The following BLTP1 variants were observed in gnomAD, a reference collection of about 807,000 sequenced individuals.
BLTP1 encodes the protein fragile site-associated protein.
the BLTP1 span, among the ~76,000 whole-genome samples, chr4:122,217,997 A>T: frequency 6.6e-6 from 1 of 151,852 alleles, no homozygotes; most frequent in African/African-American, 2.4e-5. Flanking sequence ...CAGTTTGTTC[A>T]CCTAAAGGTG....
the BLTP1 span, among the ~76,000 whole-genome samples, chr4:122,193,991 T>A: frequency 1.3e-5 from 2 of 151,512 alleles, no homozygotes; most frequent in Non-Finnish European, 3.0e-5. Flanking sequence ...GCCTCCCAAG[T>A]AGCTGGGACT....
the BLTP1 span, chr4:122,219,354 G>A: frequency 1.2e-6 from 2 of 1,612,982 alleles, no homozygotes; most frequent in African/African-American, 2.7e-5. Flanking sequence ...ACTACTTTGG[G>A]GAAGATGACA....
the BLTP1 span, among the ~76,000 whole-genome samples, chr4:122,327,676 C>G: frequency 6.7e-6 from 1 of 150,370 alleles, no homozygotes. Flanking sequence ...AAAGCATCTA[C>G]TAGCATTTAA....
chr4:122,247,144 T>C, the BLTP1 span: 1 of 1,599,388 alleles, frequency 6.3e-7, no homozygotes, highest in Non-Finnish European at 8.6e-7. Context: ...TTTACTCTCT[T>C]TTTTTTCATA....
the BLTP1 span, chr4:122,244,752 C>T: frequency 0.032 from 15,422 of 478,034 alleles, 326 homozygotes; most frequent in East Asian, 0.14. Flanking sequence ...ATGAAGAACA[C>T]AGGAAATCTT....
At chr4:122,253,038 C>T in the BLTP1 span, among the ~76,000 whole-genome samples, 2 of 152,292 alleles carry the variant, frequency 1.3e-5, no homozygotes, top group South Asian at 4.1e-4. Context: ...GGATCTTATC[C>T]AAGACCACCA....
the BLTP1 span, chr4:122,226,635 A>C: frequency 6.3e-7 from 1 of 1,585,888 alleles, no homozygotes; most frequent in Non-Finnish European, 8.5e-7. Context: ...AACATTCTTC[A>C]GAAGCTTTTG....
chr4:122,169,988 T>G, the BLTP1 span: 1 of 985,280 alleles, frequency 1.0e-6, no homozygotes, highest in South Asian at 4.7e-5. Flanking sequence ...GGCTAGTATT[T>G]CTGATTGTTG....
the BLTP1 span, chr4:122,353,283 A>G: frequency 2.1e-6 from 3 of 1,422,758 alleles, no homozygotes; most frequent in African/African-American, 1.4e-5. The surrounding 1 kb of genome is among the most constrained non-coding windows in gnomAD (Gnocchi z 4.3). Flanking sequence ...TTCACTACCA[A>G]TAAGTCAATA....
the BLTP1 span, chr4:122,176,031 G>A: frequency 1.7e-6 from 1 of 596,914 alleles, no homozygotes; most frequent in Non-Finnish European, 3.0e-6. Flanking sequence ...GCCAGTCACG[G>A]TGGCTTATGT....
At chr4:122,246,076 A>G in the BLTP1 span, 4 of 1,434,398 alleles carry the variant, frequency 2.8e-6, no homozygotes, top group African/African-American at 1.5e-5. Flanking sequence ...GGCAGCGTGA[A>G]TAAGTGAGTT....
At chr4:122,201,347 A>G in the BLTP1 span, among the ~76,000 whole-genome samples, 1 of 152,192 alleles carries the variant, frequency 6.6e-6, no homozygotes. Flanking sequence ...TTGAGCTTAG[A>G]AGGAAATGAA....
At chr4:122,337,028 A>G in the BLTP1 span, 1 of 1,586,598 alleles carries the variant, frequency 6.3e-7, no homozygotes, top group East Asian at 2.2e-5. Context: ...CAGGTGACAT[A>G]CTTCATTTCT....
chr4:122,184,719 C>T, the BLTP1 span: 6 of 985,242 alleles, frequency 6.1e-6, no homozygotes, highest in Non-Finnish European at 7.2e-6. Context: ...ACAACTGGTA[C>T]TATACAGTCA....
chr4:122,306,668 AAG>A, the BLTP1 span: 3 of 944,432 alleles, frequency 3.2e-6, no homozygotes, highest in Middle Eastern at 5.4e-4. Context: ...AACATTGAGT[AAG>A]AGAGAATAAG....
the BLTP1 span, chr4:122,162,798 T>C: frequency 1.0e-5 from 3 of 289,458 alleles, no homozygotes; most frequent in East Asian, 1.7e-4. Context: ...AAAATAAATA[T>C]GAACTTGACT....
the BLTP1 span, chr4:122,266,847 A>C: frequency 1.2e-6 from 2 of 1,610,660 alleles, no homozygotes; most frequent in Non-Finnish European, 1.7e-6. Context: ...CCATTCTGCT[A>C]CCGAATGTAC....
At chr4:122,224,435 A>G in the BLTP1 span, 26 of 1,520,186 alleles carry the variant, frequency 1.7e-5, no homozygotes, top group Non-Finnish European at 2.3e-5. Context: ...GTGGGGGGAA[A>G]CAACTAGAAA....
chr4:122,193,397 A>G, the BLTP1 span: 4 of 153,310 alleles, frequency 2.6e-5, no homozygotes, highest in Admixed American at 2.6e-4. Flanking sequence ...AAAGAAGAGG[A>G]GGGTGAATCA....
Sources: allele counts gnomAD v4.1 joint callset (sites outside exome capture counted in the v4.1 genomes callset), GRCh38; gene constraint gnomAD v4.1.1; non-coding constraint Gnocchi (gnomAD v3.1); transcripts MANE v1.5; gene names NCBI Gene and HGNC (gene_info 2026-07-23, HGNC 2026-07-21).